The following ZNF678 variants were observed in gnomAD, a reference collection of about 807,000 sequenced individuals.
ZNF678 encodes zinc finger protein 678.
ZNF678 carries 5 observed loss-of-function variants against 3.0 expected under a neutral mutation model. That is an observed-to-expected ratio of 1.69 (90% CI 0.88 to 3.56). ZNF678 has a LOEUF of 3.56. Ranked by LOEUF, ZNF678 falls within the 30% of genes most tolerant of loss-of-function variation. The pLI is 0.00. For synonymous variants in ZNF678, 218 were observed against 199.6 expected (o/e 1.09, Z -0.78); for missense variants, 593 against 605.0 (o/e 0.98, Z 0.21).
chr1:227,569,761 C>A (rs1347003490), intron 1 of ZNF678, among the ~76,000 whole-genome samples: 2 of 151,766 alleles, frequency 1.3e-5, no homozygotes, highest in African/African-American at 2.4e-5. Context: ...TTCTTCTTTT[C>A]AATTTTGATC....
chr1:227,586,925 C>T (rs1437800910), intron 1 of ZNF678, among the ~76,000 whole-genome samples: 2 of 152,192 alleles, frequency 1.3e-5, no homozygotes, highest in Admixed American at 6.5e-5. Context: ...CACTTACAGT[C>T]TCCCTGAATG....
intron 1 of ZNF678, among the ~76,000 whole-genome samples, chr1:227,607,879 T>C (rs567354417): frequency 3.1e-4 from 47 of 150,440 alleles, no homozygotes; most frequent in African/African-American, 9.9e-4. Context: ...GGCACAGTTA[T>C]AGTTTTCATA....
chr1:227,664,595 C>CA (rs1388751092), downstream of ZNF678, among the ~76,000 whole-genome samples: 17 of 152,156 alleles, frequency 1.1e-4, no homozygotes, highest in Admixed American at 6.5e-4. Context: ...AAAGCATTCT[C>CA]ACGTCAGGCC....
chr1:227,624,606 T>G (rs1658361924), intron 1 of ZNF678, among the ~76,000 whole-genome samples: 1 of 152,184 alleles, frequency 6.6e-6, no homozygotes, highest in Non-Finnish European at 1.5e-5. Context: ...GACCTGGGGT[T>G]GTTGGCCTCA....
chr1:227,659,333 C>T lies in ZNF678; in HGVS notation c.*3505C>T, dbSNP rs1283927330. 6.6e-6 allele frequency: 1 copy of T among 152,054 alleles called. No homozygotes were observed. Among genetic ancestry groups the T allele is most frequent in the African/African-American group, 2.4e-5 (1 of 41,400 alleles). The allele number at this position is 152,054 out of a possible 1,614,324, so 9.4% of individuals were successfully genotyped here. The stretch of plus-strand genomic sequence containing the variant: ...AACAAGCCAATTCCTTAGTCATTTT[C>T]TGTATTAAAAAACTCAGAGATCTAG... On this transcript the variant is annotated 3_prime_UTR_variant, in exon 4 of 4. Coordinates refer to ENST00000343776, the MANE Select transcript of ZNF678 (RefSeq NM_001367909.1).
intron 1 of ZNF678, among the ~76,000 whole-genome samples, chr1:227,585,778 C>CA (rs59546856): frequency 0.21 from 31,515 of 148,036 alleles, 3,638 homozygotes; most frequent in East Asian, 0.44. Context: ...TCAGTCCCCC[C>CA]AAAAAAAAAC....
At position 227,563,709 on chromosome 1, in the gene ZNF678, C is replaced by G. The variant is rs1418011088; in HGVS notation, c.-179C>G. On this transcript the variant is annotated 5_prime_UTR_variant, in exon 1 of 4. Coordinates refer to ENST00000343776, the MANE Select transcript of ZNF678 (RefSeq NM_001367909.1). ...ACATAGCTAAGATGCCAGGACACCC[C>G]GAAAGCCGGAAAACGGTGAGAGTTC... is the stretch of plus-strand genomic sequence containing the variant. The G allele has an allele frequency of 1.5e-5, 20 of 1,331,502 alleles. No homozygotes were observed. Among genetic ancestry groups the G allele is most frequent in the Non-Finnish European group, 1.9e-5 (19 of 1,002,632 alleles). The allele number at this position is 1,331,502 out of a possible 1,614,324, so 82.5% of individuals were successfully genotyped here. A position where few individuals can be genotyped will look rare whatever the true frequency, so the allele number is the denominator to read the frequency against.
chr1:227,648,122 A>T (rs1315961437), intron 2 of ZNF678, among the ~76,000 whole-genome samples: 2 of 152,184 alleles, frequency 1.3e-5, no homozygotes, highest in South Asian at 4.1e-4. Context: ...CTATGCCCAC[A>T]TTGTTACAAT....
chr1:227,566,791 C>T (rs558474357), intron 1 of ZNF678, among the ~76,000 whole-genome samples: 2 of 152,172 alleles, frequency 1.3e-5, no homozygotes, highest in South Asian at 4.2e-4. Flanking sequence ...TCATATACTT[C>T]ATTTGTTAAA....
intron 1 of ZNF678, among the ~76,000 whole-genome samples, chr1:227,617,906 T>A (rs1350561609): frequency 6.6e-6 from 1 of 152,170 alleles, no homozygotes. Flanking sequence ...AGCGTCTCTC[T>A]CCAGCCACCC....
At chr1:227,669,096 G>GAA (rs775949798) in intron 5 of ZNF678, among the ~76,000 whole-genome samples, 2 of 138,640 alleles carry the variant, frequency 1.4e-5, no homozygotes, top group African/African-American at 5.3e-5. Flanking sequence ...CTGCAAAGTG[G>GAA]AAAAAAAAAA....
At chr1:227,618,284 T>TCCCTTC (rs1355538565) in intron 1 of ZNF678, among the ~76,000 whole-genome samples, 1 of 152,178 alleles carries the variant, frequency 6.6e-6, no homozygotes, top group African/African-American at 2.4e-5. Flanking sequence ...ATCTGGGCAA[T>TCCCTTC]CCTTCACTCC....
intron 1 of ZNF678, among the ~76,000 whole-genome samples, chr1:227,623,197 C>T (rs1658322785): frequency 6.6e-6 from 1 of 152,224 alleles, no homozygotes; most frequent in Non-Finnish European, 1.5e-5. Context: ...ACTATATTCC[C>T]AATACCAAGC....
intron 1 of ZNF678, among the ~76,000 whole-genome samples, chr1:227,585,535 G>C (rs1218806006): frequency 6.6e-6 from 1 of 152,186 alleles, no homozygotes; most frequent in African/African-American, 2.4e-5. Context: ...AGCACTTTGG[G>C]AAGCTGAGGT....
At chr1:227,608,615 C>G (rs988374372) in intron 1 of ZNF678, among the ~76,000 whole-genome samples, 1 of 152,062 alleles carries the variant, frequency 6.6e-6, no homozygotes, top group African/African-American at 2.4e-5. Context: ...TCATGAGGCT[C>G]TATTGTCAGC....
At chr1:227,653,749 G>A (rs566540324) in intron 3 of ZNF678, among the ~76,000 whole-genome samples, 2 of 152,190 alleles carry the variant, frequency 1.3e-5, no homozygotes, top group East Asian at 1.9e-4. Context: ...GTAAAAACCT[G>A]TAATCATGTG....
chr1:227,646,779 A>T, intron 2 of ZNF678, 109 bp downstream of exon 2: 1 of 1,016,668 alleles, frequency 9.8e-7, no homozygotes, highest in Non-Finnish European at 1.3e-6. Flanking sequence ...TGAGTTTTTG[A>T]TCTCTGCTTC....
At chr1:227,622,465 G>A (rs1402838026) in intron 1 of ZNF678, among the ~76,000 whole-genome samples, 1 of 152,140 alleles carries the variant, frequency 6.6e-6, no homozygotes, top group Non-Finnish European at 1.5e-5. Context: ...TATGTTCTCA[G>A]AACCACTTGA....
At chr1:227,622,819 C>G (rs1658312807) in intron 1 of ZNF678, among the ~76,000 whole-genome samples, 1 of 152,192 alleles carries the variant, frequency 6.6e-6, no homozygotes, top group Non-Finnish European at 1.5e-5. Flanking sequence ...GAGCCCCCAG[C>G]CATCAGTCAT....
Sources: allele counts gnomAD v4.1 joint callset (sites outside exome capture counted in the v4.1 genomes callset), GRCh38; gene constraint gnomAD v4.1.1; transcripts MANE v1.5; gene names NCBI Gene and HGNC (gene_info 2026-07-23, HGNC 2026-07-21).